Variants in CDIN1 observed in about 807,000 individuals in gnomAD.
CDIN1 encodes CDAN1 interacting nuclease 1.
CDIN1 carries 33 observed loss-of-function variants against 45.3 expected under a neutral mutation model. The ratio of observed to expected loss-of-function variants is 0.73; its 90% confidence interval spans 0.55 to 0.97. The LOEUF (loss-of-function observed/expected upper bound fraction) is 0.97. Ranked by LOEUF, CDIN1 falls within the 50% of genes least tolerant of loss-of-function variation. The pLI is 0.00. For missense variants in CDIN1, 303 were observed against 339.4 expected (o/e 0.89, Z 0.84); for synonymous variants, 118 against 124.4 (o/e 0.95, Z 0.34).
chr15:36,703,274 G>T (rs2042718110), intron 8 of CDIN1, among the ~76,000 whole-genome samples: 2 of 83,420 alleles, frequency 2.4e-5, no homozygotes, highest in African/African-American at 5.4e-5. Flanking sequence ...ATATCTGATA[G>T]ATCTATCAGA....
At chr15:36,761,274 T>TA (rs1381498353) in intron 10 of CDIN1, among the ~76,000 whole-genome samples, 2 of 152,232 alleles carry the variant, frequency 1.3e-5, no homozygotes, top group South Asian at 4.1e-4. Flanking sequence ...GCCTTTGTTA[T>TA]AGCTGTCACT....
At chr15:36,644,215 T>A in intron 1 of CDIN1, 63 bp from the exon 2 acceptor site, 2 of 1,512,692 alleles carry the variant, frequency 1.3e-6, no homozygotes, top group South Asian at 2.3e-5. Flanking sequence ...GAAGCTCCTT[T>A]CTCTTTTGTT....
At chr15:36,580,257 A>G (rs1268775797) in intron 1 of CDIN1, among the ~76,000 whole-genome samples, 4 of 152,260 alleles carry the variant, frequency 2.6e-5, no homozygotes, top group African/African-American at 9.6e-5. Context: ...TAGGTGCTTC[A>G]TAAATGACCA....
intron 10 of CDIN1, among the ~76,000 whole-genome samples, chr15:36,769,309 A>C (rs944625191): frequency 2.6e-5 from 4 of 152,150 alleles, no homozygotes; most frequent in Non-Finnish European, 5.9e-5. Flanking sequence ...AGGCCGGCAG[A>C]CTGGAAACTC....
intron 10 of CDIN1, 77 bp from the exon 11 acceptor site, chr15:36,808,247 A>T: frequency 6.4e-7 from 1 of 1,571,562 alleles, no homozygotes; most frequent in Non-Finnish European, 8.6e-7. Flanking sequence ...TAATCATCTT[A>T]TCAGTGCCCC....
At chr15:36,670,128 T>TA (rs1402274931) in intron 5 of CDIN1, among the ~76,000 whole-genome samples, 1 of 152,082 alleles carries the variant, frequency 6.6e-6, no homozygotes, top group Non-Finnish European at 1.5e-5. Context: ...TGAACTTACA[T>TA]ATATGTATAA....
chr15:36,634,048 A>C (rs2039794257), intron 1 of CDIN1, among the ~76,000 whole-genome samples: 2 of 152,044 alleles, frequency 1.3e-5, no homozygotes, highest in Non-Finnish European at 2.9e-5. Flanking sequence ...CACCATGCCC[A>C]ACCCACCCAT....
chr15:36,797,171 T>G (rs2054827427), intron 10 of CDIN1, among the ~76,000 whole-genome samples: 1 of 152,164 alleles, frequency 6.6e-6, no homozygotes, highest in Non-Finnish European at 1.5e-5. Context: ...TGAGTGCAAA[T>G]CCATGTGTCA....
At chr15:36,633,257 G>C (rs536360282) in intron 1 of CDIN1, among the ~76,000 whole-genome samples, 1 of 152,024 alleles carries the variant, frequency 6.6e-6, no homozygotes, top group Non-Finnish European at 1.5e-5. Flanking sequence ...ACTGTTATAC[G>C]TTTTCTTTTC....
rs147012625 is a variant in CDIN1 at position 36,679,439 on chromosome 15, T to C, written c.347-12246T>C. Among the ~76,000 whole-genome samples, 1,064 of 152,262 alleles carry C rather than the reference T, an allele frequency of 7.0e-3. 15 individuals are homozygous for C. Among genetic ancestry groups the C allele is most frequent in the African/African-American group, 0.024 (998 of 41,560 alleles). Reference sequence around the variant, plus strand: ...TATTCTCTTTTACAAACAAGGATACTGAGAGGTGTCAACATTAACTTGTTA... The same window carrying C: ...TATTCTCTTTTACAAACAAGGATACCGAGAGGTGTCAACATTAACTTGTTA... On this transcript the variant is annotated intron_variant, in intron 5 of 10. Coordinates refer to ENST00000566621, the MANE Select transcript of CDIN1 (RefSeq NM_001321759.2).
In CDIN1 at chr15:36,579,706, C is replaced by A; in HGVS notation, c.-155C>A. On this transcript the variant is annotated 5_prime_UTR_variant, in exon 1 of 11. Transcript: ENST00000566621. ...GCGAGTCTCCGCCCCGCTTTTGCAG[C>A]TAGGGGTGTGTTTCAGGGGGGATTG... 1 of 600,700 alleles carries A rather than the reference C, an allele frequency of 1.7e-6. No individual in the cohort carries two copies. The highest frequency in any genetic ancestry group is 2.9e-6 in the Non-Finnish European group (1 of 344,830). The allele number at this position is 600,700 out of a possible 1,614,324, so 37.2% of individuals were successfully genotyped here.
chr15:36,705,358 CT>C (rs1822546178), intron 8 of CDIN1: 1 of 152,106 alleles, frequency 6.6e-6, no homozygotes, highest in African/African-American at 2.4e-5. Flanking sequence ...ATTTCAAGAT[CT>C]TCCAAGATGA....
chr15:36,612,586 G>A (rs1051650914), intron 1 of CDIN1, among the ~76,000 whole-genome samples: 1 of 152,174 alleles, frequency 6.6e-6, no homozygotes, highest in African/African-American at 2.4e-5. Flanking sequence ...CCATTTTAAA[G>A]TGTGTGCCTT....
At chr15:36,739,095 G>A (rs1056206298) in intron 10 of CDIN1, among the ~76,000 whole-genome samples, 3 of 152,148 alleles carry the variant, frequency 2.0e-5, no homozygotes, top group East Asian at 1.9e-4. Flanking sequence ...TGAGTTTTGC[G>A]GTTTGAAGAA....
intron 10 of CDIN1, among the ~76,000 whole-genome samples, chr15:36,776,798 C>T (rs112329608): frequency 1.4e-4 from 21 of 152,244 alleles, no homozygotes; most frequent in African/African-American, 2.6e-4. Flanking sequence ...GGTTGCCAGT[C>T]GCCCAACATA....
At chr15:36,683,272 A>T (rs1338433242) in intron 5 of CDIN1, among the ~76,000 whole-genome samples, 2 of 145,562 alleles carry the variant, frequency 1.4e-5, no homozygotes, top group African/African-American at 5.1e-5. Context: ...TAAGGAAGGG[A>T]TCCAGTTTCA....
intron 3 of CDIN1, among the ~76,000 whole-genome samples, chr15:36,653,707 G>A (rs541087514): frequency 6.6e-6 from 1 of 152,306 alleles, no homozygotes; most frequent in East Asian, 1.9e-4. Context: ...TAAAGGAAAA[G>A]GCAAGATGGG....
Position 36,579,708 on chromosome 15 carries a change from A to C in CDIN1, c.-153A>C. 1.7e-6 allele frequency: 1 copy of C among 594,954 alleles called. No individual in the cohort carries two copies. The highest frequency in any genetic ancestry group is 2.9e-6 in the Non-Finnish European group (1 of 340,804). The allele number at this position is 594,954 out of a possible 1,614,324, so 36.9% of individuals were successfully genotyped here. A position where few individuals can be genotyped will look rare whatever the true frequency, so the allele number is the denominator to read the frequency against. Reference sequence around the variant, plus strand: ...GAGTCTCCGCCCCGCTTTTGCAGCTAGGGGTGTGTTTCAGGGGGGATTGGG... The same window carrying C: ...GAGTCTCCGCCCCGCTTTTGCAGCTCGGGGTGTGTTTCAGGGGGGATTGGG... On this transcript the variant is annotated 5_prime_UTR_variant, in exon 1 of 11. Coordinates refer to ENST00000566621, the MANE Select transcript of CDIN1 (RefSeq NM_001321759.2).
intron 5 of CDIN1, among the ~76,000 whole-genome samples, chr15:36,680,680 A>G (rs1335342549): frequency 6.6e-6 from 1 of 152,154 alleles, no homozygotes; most frequent in Non-Finnish European, 1.5e-5. Flanking sequence ...TTGAGCTTCC[A>G]TGTATAGCTC....
Sources: gnomAD v4.1 joint callset for allele counts (sites outside exome capture counted in the v4.1 genomes callset) on GRCh38, gnomAD v4.1.1 for gene constraint, MANE v1.5 for transcripts, NCBI Gene and HGNC (gene_info 2026-07-23, HGNC 2026-07-21) for gene names.